Variants in BCL2 observed in about 807,000 individuals in gnomAD.
BCL2 encodes the protein apoptosis regulator Bcl-2.
In BCL2, 1 loss-of-function variant was observed where a neutral mutation model predicts 14.2. The ratio of observed to expected loss-of-function variants is 0.07; its 90% CI spans 0.02 to 0.33. The LOEUF is 0.33. Ranked by LOEUF, BCL2 falls within the 10% of genes least tolerant of loss-of-function variation. BCL2 has a pLI of 0.99. For missense variants in BCL2, 247 were observed against 305.9 expected, an observed-to-expected ratio of 0.81 and a Z score of 1.44; for synonymous variants, 151 against 137.2, an observed-to-expected ratio of 1.10 and a Z score of -0.70.
chr18:63,311,315 G>T (rs2144306208), intron 2 of BCL2, among the ~76,000 whole-genome samples: 1 of 152,274 alleles, frequency 6.6e-6, no homozygotes, highest in African/African-American at 2.4e-5. Flanking sequence ...GCTGGAAAAA[G>T]TCAAGAAGAG....
chr18:63,131,166 TAGA>T (rs1039492609), intron 2 of BCL2, among the ~76,000 whole-genome samples: 4 of 152,094 alleles, frequency 2.6e-5, no homozygotes, highest in Admixed American at 1.3e-4. Flanking sequence ...TCACAGACCA[TAGA>T]AGAACAGATG....
intron 2 of BCL2, chr18:63,302,531 C>T: frequency 1.0e-6 from 1 of 985,268 alleles, no homozygotes; most frequent in Non-Finnish European, 1.2e-6. Context: ...ACATGTTGTG[C>T]CCAGGGAAGA....
chr18:63,252,605 C>T (rs1353686078), intron 2 of BCL2, among the ~76,000 whole-genome samples: 1 of 152,176 alleles, frequency 6.6e-6, no homozygotes, highest in Admixed American at 6.5e-5. Flanking sequence ...GTTCCCTGCA[C>T]AAGCTCTCTT....
At chr18:63,152,777 C>T (rs1347117761) in intron 2 of BCL2, among the ~76,000 whole-genome samples, 1 of 152,194 alleles carries the variant, frequency 6.6e-6, no homozygotes, top group Non-Finnish European at 1.5e-5. Flanking sequence ...TGTACACCAC[C>T]TATGAGAGCA....
rs184714559 is a variant in BCL2 at position 63,167,850 on chromosome 18, C to T, written c.586-39091G>A. ...CTGAGGTAGGAGAATCATTTAAACC[C>T]GGGAGGCAGAGGTTGCAGTGAGCAG... On this transcript the variant is annotated intron_variant, in intron 2 of 2. Transcript: ENST00000333681. 9.2e-5 allele frequency among the ~76,000 whole-genome samples: 14 copies of T among 151,728 alleles called. 1 individual carries two copies. The highest frequency in any genetic ancestry group is 7.8e-4 in the East Asian group (4 of 5,154).
At chr18:63,128,874 G>T in intron 2 of BCL2, 115 bp from the exon 3 acceptor site, 1 of 603,100 alleles carries the variant, frequency 1.7e-6, no homozygotes, top group Non-Finnish European at 3.0e-6. Flanking sequence ...CCTTCAGAAG[G>T]GTGAGAGGGG....
At chr18:63,245,133 C>T (rs10503079) in intron 2 of BCL2, among the ~76,000 whole-genome samples, 16,660 of 152,184 alleles carry the variant, frequency 0.11, 1,483 homozygotes, top group African/African-American at 0.24. Context: ...ATGTGCCAAA[C>T]GCTCCATATA....
intron 2 of BCL2, among the ~76,000 whole-genome samples, chr18:63,311,343 T>C (rs1885361241): frequency 6.6e-6 from 1 of 152,220 alleles, no homozygotes; most frequent in Non-Finnish European, 1.5e-5. Flanking sequence ...GCAACACTGA[T>C]CCTTTGTTTG....
Position 63,201,186 on chromosome 18 carries a change from C to T in BCL2, c.586-72427G>A, listed in dbSNP as rs576333066. On this transcript the variant is annotated intron_variant, in intron 2 of 2. Transcript: ENST00000333681. ...ACTCTTAACCGCAGGCTGAATTGTC[C>T]CTACCAAGCTATCTGCACCTTGAGC... Among the ~76,000 whole-genome samples the T allele has an allele frequency of 1.3e-3, 201 of 152,272 alleles. 2 individuals are homozygous for T. Among genetic ancestry groups the T allele is most frequent in the African/African-American group, 4.8e-3 (198 of 41,554 alleles).
intron 2 of BCL2, among the ~76,000 whole-genome samples, chr18:63,152,542 T>C (rs1914674873): frequency 6.6e-6 from 1 of 152,226 alleles, no homozygotes; most frequent in Non-Finnish European, 1.5e-5. Context: ...CAAACAGACA[T>C]GACAATGACC....
At chr18:63,184,345 G>A (rs1915542881) in intron 2 of BCL2, among the ~76,000 whole-genome samples, 1 of 152,230 alleles carries the variant, frequency 6.6e-6, no homozygotes, top group Admixed American at 6.5e-5. Context: ...GGCTGGCCAG[G>A]CAAGCATGAA....
At chr18:63,162,823 C>T (rs1042788737) in intron 2 of BCL2, among the ~76,000 whole-genome samples, 1 of 151,966 alleles carries the variant, frequency 6.6e-6, no homozygotes, top group African/African-American at 2.4e-5. Flanking sequence ...TTCCTTCCCT[C>T]CTTCCTTCCT....
chr18:63,238,945 G>C (rs892979375), intron 2 of BCL2, among the ~76,000 whole-genome samples: 1 of 152,188 alleles, frequency 6.6e-6, no homozygotes, highest in African/African-American at 2.4e-5. Context: ...GGTAACGAGA[G>C]AGCAGAGCCC....
At chr18:63,304,411 A>T (rs2849377) in intron 2 of BCL2, among the ~76,000 whole-genome samples, 15,694 of 152,236 alleles carry the variant, frequency 0.1, 899 homozygotes, top group Admixed American at 0.14. Flanking sequence ...CATTCAAAAA[A>T]CATGTACCAA....
intron 2 of BCL2, among the ~76,000 whole-genome samples, chr18:63,307,549 G>A (rs1913182457): frequency 6.6e-6 from 1 of 152,198 alleles, no homozygotes; most frequent in African/African-American, 2.4e-5. Context: ...CTTGTGCAAT[G>A]GCTGTCATTT....
chr18:63,237,179 G>A (rs1000478353), intron 2 of BCL2, among the ~76,000 whole-genome samples: 8 of 152,140 alleles, frequency 5.3e-5, no homozygotes, highest in Non-Finnish European at 1.2e-4. Flanking sequence ...ACTGTGGTAT[G>A]GAGGCCGAGA....
At chr18:63,211,543 A>G (rs1235386620) in intron 2 of BCL2, among the ~76,000 whole-genome samples, 1 of 152,030 alleles carries the variant, frequency 6.6e-6, no homozygotes, top group African/African-American at 2.4e-5. Flanking sequence ...ACCTTCACTG[A>G]CTTCCCTTTG....
intron 2 of BCL2, among the ~76,000 whole-genome samples, chr18:63,257,432 A>G (rs1032972524): frequency 2.8e-4 from 43 of 152,360 alleles, no homozygotes; most frequent in African/African-American, 9.1e-4. Context: ...TTATGCTGTC[A>G]TTTTTCAAAT....
At chr18:63,146,377 C>A (rs1409774240) in intron 2 of BCL2, among the ~76,000 whole-genome samples, 1 of 152,234 alleles carries the variant, frequency 6.6e-6, no homozygotes, top group Non-Finnish European at 1.5e-5. Flanking sequence ...GGGGAAATGG[C>A]GGCTGTCCCT....
Sources: gnomAD v4.1 joint callset for allele counts (sites outside exome capture counted in the v4.1 genomes callset) on GRCh38, gnomAD v4.1.1 for gene constraint, MANE v1.5 for transcripts, NCBI Gene and HGNC (gene_info 2026-07-23, HGNC 2026-07-21) for gene names.